The following ICA1L variants were observed in gnomAD, a reference collection of about 807,000 sequenced individuals.
ICA1L encodes the protein islet cell autoantigen 1 like, also known as islet cell autoantigen 1-like protein.
A neutral mutation model predicts 61.3 loss-of-function variants in ICA1L; 50 were observed. The observed-to-expected ratio is 0.82, with a 90% confidence interval of 0.65 to 1.03. The LOEUF is 1.03. ICA1L is among the 50% of genes least tolerant of loss of function. ICA1L has a pLI of 0.00. For synonymous variants in ICA1L, 161 were observed against 191.3 expected (o/e 0.84, Z 1.31); for missense variants, 508 against 556.7 (o/e 0.91, Z 0.88).
intron 5 of ICA1L, 44 bp from the exon 6 acceptor site, chr2:202,817,587 ATATAG>A: frequency 9.0e-7 from 1 of 1,113,858 alleles, no homozygotes; most frequent in Non-Finnish European, 1.3e-6. Flanking sequence ...TATACTATAA[ATATAG>A]TATGTTATTA....
At chr2:202,864,411 T>C (rs185391617) in intron 1 of ICA1L, among the ~76,000 whole-genome samples, 1 of 152,078 alleles carries the variant, frequency 6.6e-6, no homozygotes, top group African/African-American at 2.4e-5. Flanking sequence ...GCCTGGCTAA[T>C]TTTTTTGTAT....
chr2:202,824,272 G>A (rs534764582), intron 3 of ICA1L, among the ~76,000 whole-genome samples: 1 of 152,150 alleles, frequency 6.6e-6, no homozygotes, highest in African/African-American at 2.4e-5. Context: ...ATGGTGGCAG[G>A]TGCCTGTAAT....
Position 202,797,132 on chromosome 2 carries a change from T to TTGTGTGTG in ICA1L, c.911-176_911-169dup, listed in dbSNP as rs58006631. On this transcript the variant is annotated intron_variant, in intron 9 of 12. Coordinates refer to ENST00000358299, the MANE Select transcript of ICA1L (RefSeq NM_001288622.3). ...ATAATCTTATATATAAAAATCACAT[T>TTGTGTGTG]TGTGTGTGTGTGTGTGTGTGTGTGT... is the stretch of plus-strand genomic sequence containing the variant. Among the ~76,000 whole-genome samples the TTGTGTGTG allele has an allele frequency of 9.3e-3, 1,375 of 147,792 alleles. 15 individuals carry two copies. Among genetic ancestry groups the TTGTGTGTG allele is most frequent in the South Asian group, 0.026 (121 of 4,578 alleles).
intron 9 of ICA1L, among the ~76,000 whole-genome samples, chr2:202,811,375 C>G (rs900113915): frequency 2.6e-5 from 4 of 152,000 alleles, no homozygotes; most frequent in Non-Finnish European, 4.4e-5. Flanking sequence ...TTGATGGAGG[C>G]TGGGCGCGGT....
intron 1 of ICA1L, among the ~76,000 whole-genome samples, chr2:202,853,130 A>G (rs1490492140): frequency 8.6e-5 from 13 of 152,044 alleles, no homozygotes; most frequent in African/African-American, 3.1e-4. Context: ...AGGCCGAGGC[A>G]GGTGGATCAC....
At chr2:202,786,542 C>T (rs1333402586) in intron 11 of ICA1L, 6 of 233,272 alleles carry the variant, frequency 2.6e-5, no homozygotes, top group South Asian at 1.9e-4. Context: ...GGCGACAGAG[C>T]GAGACTCCGT....
rs562230381 is a variant in ICA1L at position 202,777,044 on chromosome 2, C to CTTTTTTTTTTTTTT, written c.*2475_*2488dup. On this transcript the variant is annotated 3_prime_UTR_variant, in exon 13 of 13. Coordinates refer to ENST00000358299, the MANE Select transcript of ICA1L (RefSeq NM_001288622.3). ...ACAAACTCTCAAGACATAAAGTTAG[C>CTTTTTTTTTTTTTT]TTTTTTTTTTTTTTTTTTTTTTTTT... is the stretch of plus-strand genomic sequence containing the variant. 39 of 68,582 alleles carry CTTTTTTTTTTTTTT rather than the reference C, an allele frequency of 5.7e-4. 4 individuals are homozygous for CTTTTTTTTTTTTTT. Among genetic ancestry groups the CTTTTTTTTTTTTTT allele is most frequent in the African/African-American group, 2.5e-3 (38 of 15,264 alleles). 4.2% of individuals were successfully genotyped at this position (68,582 alleles called of 1,614,324 possible). A position where few individuals can be genotyped will look rare whatever the true frequency, so the allele number is the denominator to read the frequency against.
chr2:202,838,804 T>C (rs898175303), intron 1 of ICA1L, among the ~76,000 whole-genome samples: 1 of 152,192 alleles, frequency 6.6e-6, no homozygotes, highest in African/African-American at 2.4e-5. Flanking sequence ...GTACAGGAAG[T>C]ACGGTGCTAG....
chr2:202,798,257 A>C (rs1692989796), intron 9 of ICA1L, among the ~76,000 whole-genome samples: 1 of 151,982 alleles, frequency 6.6e-6, no homozygotes. Flanking sequence ...AGAAAGGGTC[A>C]TGCTCTGTTA....
In ICA1L at chr2:202,774,290, C is replaced by G. The variant is rs1692146431; in HGVS notation, c.*5243G>C. The G allele has an allele frequency of 6.5e-7, 1 of 1,527,780 alleles. No homozygotes were observed. The highest frequency in any genetic ancestry group is 8.8e-7 in the Non-Finnish European group (1 of 1,140,558). The allele number at this position is 1,527,780 out of a possible 1,614,324, so 94.6% of individuals were successfully genotyped here. ...TGACCCCGACGCGTGCAGGCACCTA[C>G]GGGCGACCGCGGACGGCGGCGCGCG... On this transcript the variant is annotated 3_prime_UTR_variant, in exon 13 of 13. Transcript: ENST00000358299.
At chr2:202,782,072 A>G (rs1355907467) in intron 12 of ICA1L, among the ~76,000 whole-genome samples, 9 of 152,082 alleles carry the variant, frequency 5.9e-5, no homozygotes, top group Non-Finnish European at 1.0e-4. Flanking sequence ...ATGGCCGGAC[A>G]TGGTGGTTCA....
At chr2:202,790,924 G>C (rs147100252) in intron 10 of ICA1L, among the ~76,000 whole-genome samples, 1 of 152,306 alleles carries the variant, frequency 6.6e-6, no homozygotes, top group East Asian at 1.9e-4. Context: ...GGGAGAAGCC[G>C]ACCATAAAAC....
At chr2:202,843,930 A>G (rs934108672) in intron 1 of ICA1L, among the ~76,000 whole-genome samples, 4 of 152,088 alleles carry the variant, frequency 2.6e-5, no homozygotes, top group African/African-American at 9.7e-5. Context: ...TCCTTGTATC[A>G]CTTTCTTGCC....
At chr2:202,804,479 G>GT (rs1301306278) in intron 9 of ICA1L, among the ~76,000 whole-genome samples, 1 of 152,052 alleles carries the variant, frequency 6.6e-6, no homozygotes. Context: ...CTGTTTCTTT[G>GT]TGGCACCAAG....
intron 8 of ICA1L, among the ~76,000 whole-genome samples, chr2:202,812,251 A>G (rs539074301): frequency 6.6e-6 from 1 of 152,356 alleles, no homozygotes; most frequent in African/African-American, 2.4e-5. Flanking sequence ...GGATATTTAT[A>G]GCATCTATCT....
At chr2:202,818,471 C>T (rs1693604510) in intron 5 of ICA1L, among the ~76,000 whole-genome samples, 1 of 152,110 alleles carries the variant, frequency 6.6e-6, no homozygotes, top group Non-Finnish European at 1.5e-5. Flanking sequence ...GGGATCAGGC[C>T]ATGCAGGGTT....
At chr2:202,818,008 A>G (rs1343111765) in intron 5 of ICA1L, among the ~76,000 whole-genome samples, 1 of 152,210 alleles carries the variant, frequency 6.6e-6, no homozygotes, top group Non-Finnish European at 1.5e-5. Flanking sequence ...GCCATCAGGT[A>G]GTGTGAATAC....
chr2:202,864,554 C>T (rs375529234), intron 1 of ICA1L, among the ~76,000 whole-genome samples: 2 of 151,798 alleles, frequency 1.3e-5, no homozygotes, highest in East Asian at 3.9e-4. Flanking sequence ...ATGCAAAAAC[C>T]CTTCACAAAA....
rs563638182 is a variant in ICA1L at position 202,849,352 on chromosome 2, C to T, written c.-7-20336G>A. On this transcript the variant is annotated intron_variant, in intron 1 of 12. Transcript: ENST00000358299. The surrounding 1 kb of genome is among the most constrained non-coding windows in gnomAD (Gnocchi z 4.5). ...TGGTCTCGCTCAGTGGGTCCCACTC[C>T]CACAGAGCCCAGCAAGCTAAGAACC... is the stretch of plus-strand genomic sequence containing the variant. Among the ~76,000 whole-genome samples, 1 of 152,282 alleles carries T rather than the reference C, an allele frequency of 6.6e-6. No homozygotes were observed. The highest frequency in any genetic ancestry group is 1.9e-4 in the East Asian group (1 of 5,170).
Sources: gnomAD v4.1 joint callset for allele counts (sites outside exome capture counted in the v4.1 genomes callset) on GRCh38, gnomAD v4.1.1 for gene constraint, Gnocchi (gnomAD v3.1) non-coding constraint, MANE v1.5 for transcripts, NCBI Gene and HGNC (gene_info 2026-07-23, HGNC 2026-07-21) for gene names.